SZRD1: variants seen among roughly 807,000 people sequenced by gnomAD.
SZRD1 encodes the protein SUZ RNA binding domain containing 1, also known as SUZ RNA-binding domain-containing.
In SZRD1, 7 loss-of-function variants were observed where a neutral mutation model predicts 17.6. The observed-to-expected ratio is 0.40, with a 90% CI of 0.23 to 0.75. The LOEUF (loss-of-function observed/expected upper bound fraction) is 0.75, where lower values mean the gene tolerates loss of function less well. Ranked by LOEUF, SZRD1 falls within the 30% of genes least tolerant of loss-of-function variation. The pLI is 0.38. For missense variants in SZRD1, 178 were observed against 201.8 expected (o/e 0.88, Z 0.71); for synonymous variants, 77 against 77.9 (o/e 0.99, Z 0.06).
intron 1 of SZRD1, among the ~76,000 whole-genome samples, chr1:16,386,567 C>T (rs955089210): frequency 5.3e-5 from 8 of 152,286 alleles, no homozygotes; most frequent in Admixed American, 5.2e-4. Flanking sequence ...AGAGAATAGA[C>T]TGACTCATGA....
At chr1:16,388,490 T>C (rs2085164657) in intron 1 of SZRD1, among the ~76,000 whole-genome samples, 1 of 152,082 alleles carries the variant, frequency 6.6e-6, no homozygotes, top group African/African-American at 2.4e-5. Flanking sequence ...TAGTTTCATA[T>C]GGTTAATCTA....
rs117186717 is a variant in SZRD1, at chr1:16,378,574, C to T, written c.51+11266C>T. On this transcript the variant is annotated intron_variant, in intron 1 of 3. Coordinates refer to ENST00000401088, the MANE Select transcript of SZRD1 (RefSeq NM_001114600.3). ...AAGTGTTGGGATTACAGGTTTGAGC[C>T]ACCGTGCTTTTGGCAACTTATTTAT... Among the ~76,000 whole-genome samples, 566 of 152,122 alleles carry T rather than the reference C, an allele frequency of 3.7e-3. 15 individuals are homozygous for T. The highest frequency in any genetic ancestry group is 0.015 in the East Asian group (77 of 5,172).
intron 1 of SZRD1, among the ~76,000 whole-genome samples, chr1:16,377,869 C>A (rs1176067555): frequency 6.6e-6 from 1 of 152,206 alleles, no homozygotes; most frequent in Non-Finnish European, 1.5e-5. Context: ...TCCAGCCACT[C>A]ACAGTGTAGC....
chr1:16,369,977 C>T (rs1215416356), intron 1 of SZRD1, among the ~76,000 whole-genome samples: 3 of 151,414 alleles, frequency 2.0e-5, no homozygotes, highest in African/African-American at 7.3e-5. Flanking sequence ...AATGCAGGTT[C>T]TCTAATATAT....
intron 1 of SZRD1, among the ~76,000 whole-genome samples, chr1:16,378,221 C>A (rs961387677): frequency 1.3e-5 from 2 of 151,912 alleles, no homozygotes; most frequent in Non-Finnish European, 2.9e-5. Flanking sequence ...GGCTTTCTAG[C>A]CTGGGATACA....
At chr1:16,392,564 C>T (rs760233035) in intron 2 of SZRD1, among the ~76,000 whole-genome samples, 13 of 152,202 alleles carry the variant, frequency 8.5e-5, no homozygotes, top group Non-Finnish European at 1.6e-4. Flanking sequence ...TCACTCCAGC[C>T]CCGCCGCTGT....
intron 1 of SZRD1, among the ~76,000 whole-genome samples, chr1:16,379,099 CT>C (rs997380250): frequency 1.3e-5 from 2 of 151,910 alleles, no homozygotes; most frequent in African/African-American, 4.8e-5. Context: ...GCTTCCCCTT[CT>C]TGAGATTTAG....
chr1:16,391,042 G>GT lies in SZRD1; in HGVS notation c.52-332dup, dbSNP rs774991400. ...CCAACTCTTTATTTCATAAAATAGA[G>GT]TAAGTGTTCCTAAGTTTAGGTTTAG... On this transcript the variant is annotated intron_variant, in intron 1 of 3. Transcript: ENST00000401088. This position sits in a 1 kb window ranked among gnomAD's most constrained non-coding sequence, Gnocchi z 4.3. 6.6e-5 allele frequency among the ~76,000 whole-genome samples: 10 copies of GT among 152,196 alleles called. No individual in the cohort carries two copies. The highest frequency in any genetic ancestry group is 1.3e-4 in the Non-Finnish European group (9 of 68,038).
intron 1 of SZRD1, among the ~76,000 whole-genome samples, chr1:16,373,559 A>G (rs1462093943): frequency 6.6e-6 from 1 of 151,174 alleles, no homozygotes; most frequent in Non-Finnish European, 1.5e-5. Context: ...AGCCTGGGCA[A>G]CAAGAGTGGA....
intron 1 of SZRD1, among the ~76,000 whole-genome samples, chr1:16,374,780 G>A (rs978579196): frequency 2.0e-5 from 3 of 152,246 alleles, no homozygotes; most frequent in African/African-American, 7.2e-5. Context: ...CCTAGGAGAA[G>A]GTTGAGTTTA....
At chr1:16,371,266 A>G (rs1177448306) in intron 1 of SZRD1, among the ~76,000 whole-genome samples, 1 of 151,538 alleles carries the variant, frequency 6.6e-6, no homozygotes, top group African/African-American at 2.4e-5. Flanking sequence ...CACTCACTGC[A>G]GTCTCAGGCA....
At chr1:16,386,447 G>A (rs1293386780) in intron 1 of SZRD1, among the ~76,000 whole-genome samples, 1 of 152,196 alleles carries the variant, frequency 6.6e-6, no homozygotes, top group Non-Finnish European at 1.5e-5. Context: ...TGCATCTCTG[G>A]GGGAGATGCA....
At chr1:16,373,148 T>C (rs1461924306) in intron 1 of SZRD1, among the ~76,000 whole-genome samples, 1 of 151,184 alleles carries the variant, frequency 6.6e-6, no homozygotes, top group East Asian at 1.9e-4. Context: ...CACAGAGGTA[T>C]GTAGGGGCCA....
intron 1 of SZRD1, among the ~76,000 whole-genome samples, chr1:16,382,607 G>A (rs1198596376): frequency 6.6e-6 from 1 of 151,664 alleles, no homozygotes; most frequent in Non-Finnish European, 1.5e-5. Context: ...CGATTCTCCT[G>A]CCTCAGTCTC....
At chr1:16,389,734 C>T (rs1469104393) in intron 1 of SZRD1, among the ~76,000 whole-genome samples, 1 of 152,208 alleles carries the variant, frequency 6.6e-6, no homozygotes, top group Non-Finnish European at 1.5e-5. Context: ...CGTGAGCCAC[C>T]GCGCTGGGCT....
intron 1 of SZRD1, among the ~76,000 whole-genome samples, chr1:16,390,265 C>A (rs984540693): frequency 4.8e-4 from 73 of 152,302 alleles, no homozygotes; most frequent in African/African-American, 1.6e-3. Flanking sequence ...TCCCCACACC[C>A]CTGTCCTGGA....
intron 3 of SZRD1, 44 bp from the exon 4 acceptor site, chr1:16,394,994 A>G (rs1011119311): frequency 9.0e-7 from 1 of 1,105,478 alleles, no homozygotes; most frequent in African/African-American, 1.6e-5. Flanking sequence ...GGGGACATCT[A>G]TTATATCCTT....
chr1:16,380,254 C>T (rs56198744), intron 1 of SZRD1, among the ~76,000 whole-genome samples: 2 of 151,154 alleles, frequency 1.3e-5, no homozygotes, highest in Non-Finnish European at 2.9e-5. Flanking sequence ...GCAGGAGGAT[C>T]GCTTGAGGGC....
At chr1:16,380,551 C>T (rs926345736) in intron 1 of SZRD1, among the ~76,000 whole-genome samples, 7 of 152,136 alleles carry the variant, frequency 4.6e-5, no homozygotes, top group African/African-American at 1.7e-4. Flanking sequence ...TCACCACAGC[C>T]TCCACCTCCC....
Sources: gnomAD v4.1 joint callset for allele counts (sites outside exome capture counted in the v4.1 genomes callset) on GRCh38, gnomAD v4.1.1 for gene constraint, Gnocchi (gnomAD v3.1) non-coding constraint, MANE v1.5 for transcripts, NCBI Gene and HGNC (gene_info 2026-07-23, HGNC 2026-07-21) for gene names.